SNTG1: variants seen among roughly 807,000 people sequenced by gnomAD.
SNTG1 encodes syntrophin gamma 1, also known as gamma-1-syntrophin.
SNTG1 carries 39 observed loss-of-function variants against 74.7 expected under a neutral mutation model. That is an observed-to-expected ratio of 0.52 (90% CI 0.40 to 0.68). The LOEUF (loss-of-function observed/expected upper bound fraction) is 0.68, where lower values mean the gene tolerates loss of function less well. SNTG1 is among the 30% of genes least tolerant of loss of function. The pLI, the probability that SNTG1 is intolerant of heterozygous loss-of-function variation, is 0.00. For synonymous variants in SNTG1, 254 were observed against 217.1 expected (o/e 1.17, Z -1.49); for missense variants, 685 against 609.5 (o/e 1.12, Z -1.30).
At chr8:50,704,844 A>C in intron 16 of SNTG1, 92 bp downstream of exon 16, 1 of 1,434,938 alleles carries the variant, frequency 7.0e-7, no homozygotes, top group Non-Finnish European at 9.5e-7. Flanking sequence ...TAGTGTAAAA[A>C]TACAGTTCTG....
intron 1 of SNTG1, among the ~76,000 whole-genome samples, chr8:50,103,712 C>G (rs2080244968): frequency 6.6e-6 from 1 of 152,080 alleles, no homozygotes; most frequent in African/African-American, 2.4e-5. Flanking sequence ...ATAGATAGCT[C>G]TTATTATTTT....
chr8:50,612,084 C>G (rs1024855562), intron 13 of SNTG1, among the ~76,000 whole-genome samples: 2 of 152,044 alleles, frequency 1.3e-5, no homozygotes, highest in African/African-American at 4.8e-5. Context: ...AACAAACAAA[C>G]AAAAAAATCT....
chr8:49,936,046 T>G (rs1186172381), intron 1 of SNTG1, among the ~76,000 whole-genome samples: 1 of 152,140 alleles, frequency 6.6e-6, no homozygotes, highest in Non-Finnish European at 1.5e-5. Context: ...AAACTAAAAA[T>G]GTTTATGAAC....
rs1050800668 is a variant in SNTG1, at chr8:50,794,882, G to T, written c.*2053G>T. On this transcript the variant is annotated 3_prime_UTR_variant, in exon 19 of 19. Coordinates refer to ENST00000642720, the MANE Select transcript of SNTG1 (RefSeq NM_018967.5). The stretch of plus-strand genomic sequence containing the variant: ...TTAAAAATTGTGAAATTTTGTAAAC[G>T]TTCCATTTTAGAATTTAAAAAACCT... The T allele has an allele frequency of 7.2e-5, 11 of 151,908 alleles. No homozygotes were observed. Among genetic ancestry groups the T allele is most frequent in the Non-Finnish European group, 5.9e-5 (4 of 67,928 alleles). 9.4% of individuals were successfully genotyped at this position (151,908 alleles called of 1,614,324 possible).
At chr8:50,587,152 C>T (rs560102288) in intron 12 of SNTG1, among the ~76,000 whole-genome samples, 1 of 150,306 alleles carries the variant, frequency 6.7e-6, no homozygotes, top group South Asian at 2.1e-4. Context: ...TATATATATG[C>T]ATATATAAAT....
At chr8:50,675,905 C>T (rs1563729972) in intron 15 of SNTG1, among the ~76,000 whole-genome samples, 1 of 151,876 alleles carries the variant, frequency 6.6e-6, no homozygotes. Flanking sequence ...TTTATTTCTC[C>T]TTTGTTTATG....
At chr8:50,327,206 A>G (rs2090784640) in intron 2 of SNTG1, among the ~76,000 whole-genome samples, 1 of 152,282 alleles carries the variant, frequency 6.6e-6, no homozygotes, top group Middle Eastern at 3.4e-3. Context: ...ATTGAGTTCA[A>G]CTATAAGCTT....
At chr8:50,215,515 TGAG>T (rs1379183916) in intron 2 of SNTG1, among the ~76,000 whole-genome samples, 2 of 148,946 alleles carry the variant, frequency 1.3e-5, no homozygotes, top group East Asian at 3.9e-4. Context: ...GATGAAAGGT[TGAG>T]ATTAGTTTAA....
At chr8:50,423,672 A>G (rs1331713742) in intron 4 of SNTG1, among the ~76,000 whole-genome samples, 2 of 152,228 alleles carry the variant, frequency 1.3e-5, no homozygotes, top group African/African-American at 4.8e-5. Flanking sequence ...GCTTTCAAAT[A>G]AATCAGTAAA....
chr8:50,455,212 C>T (rs2093493906), intron 8 of SNTG1, among the ~76,000 whole-genome samples: 2 of 152,234 alleles, frequency 1.3e-5, no homozygotes, highest in South Asian at 4.1e-4. Flanking sequence ...ACTGAAATTT[C>T]CATCTAATGA....
At chr8:50,632,000 T>G (rs2095001494) in intron 13 of SNTG1, among the ~76,000 whole-genome samples, 1 of 152,210 alleles carries the variant, frequency 6.6e-6, no homozygotes, top group African/African-American at 2.4e-5. Flanking sequence ...TATGACTATG[T>G]TAAGCGATTT....
intron 4 of SNTG1, among the ~76,000 whole-genome samples, chr8:50,405,525 A>T (rs10101856): frequency 6.6e-6 from 1 of 152,188 alleles, no homozygotes; most frequent in African/African-American, 2.4e-5. Flanking sequence ...AGTTGCAGGA[A>T]TTCTTAATGT....
intron 18 of SNTG1, among the ~76,000 whole-genome samples, chr8:50,757,031 C>A (rs1447816319): frequency 2.0e-5 from 3 of 151,592 alleles, no homozygotes; most frequent in African/African-American, 7.2e-5. Flanking sequence ...ATATCTTTCC[C>A]TTTTTTATAA....
chr8:50,674,840 G>C (rs749394926), intron 15 of SNTG1, among the ~76,000 whole-genome samples: 3 of 152,052 alleles, frequency 2.0e-5, no homozygotes, highest in Non-Finnish European at 4.4e-5. Flanking sequence ...GTTTAGCTAT[G>C]TCCCAGAGAT....
chr8:50,149,136 T>C (rs1338267343), intron 1 of SNTG1, among the ~76,000 whole-genome samples: 1 of 152,078 alleles, frequency 6.6e-6, no homozygotes, highest in Non-Finnish European at 1.5e-5. Flanking sequence ...ATTTCTCTGA[T>C]GCCAGTGATG....
At chr8:50,717,079 A>G (rs190475741) in intron 17 of SNTG1, among the ~76,000 whole-genome samples, 249 of 152,306 alleles carry the variant, frequency 1.6e-3, no homozygotes, top group Non-Finnish European at 3.0e-3. Context: ...GAGCATTGTG[A>G]AAATTAACAC....
intron 2 of SNTG1, among the ~76,000 whole-genome samples, chr8:50,389,700 A>G (rs1587435749): frequency 6.6e-6 from 1 of 152,302 alleles, no homozygotes; most frequent in Non-Finnish European, 1.5e-5. Flanking sequence ...AGTCCCACCA[A>G]CACTGTAAAA....
In SNTG1 at chr8:49,942,615, T is replaced by C. The variant is rs2129377651; in HGVS notation, c.-103+30384T>C. Among the ~76,000 whole-genome samples the C allele has an allele frequency of 2.0e-5, 3 of 152,310 alleles. No individual in the cohort carries two copies. The Middle Eastern group carries it at 0.01, about 518-fold the overall frequency. On this transcript the variant is annotated intron_variant, in intron 1 of 18. Transcript: ENST00000642720. ...CTCAGCCTCCTCTTAGTTATGATCA[T>C]TTCCCAGACTTCTTTTATTTTCGGT...
chr8:50,652,001 TG>T, intron 13 of SNTG1, among the ~76,000 whole-genome samples: 1 of 151,628 alleles, frequency 6.6e-6, no homozygotes, highest in South Asian at 2.1e-4. Flanking sequence ...CCTCCCACCT[TG>T]GCCTCCCAAA....
Sources: gnomAD v4.1 joint callset for allele counts (sites outside exome capture counted in the v4.1 genomes callset) on GRCh38, gnomAD v4.1.1 for gene constraint, MANE v1.5 for transcripts, NCBI Gene and HGNC (gene_info 2026-07-23, HGNC 2026-07-21) for gene names.